The following SAMD4B variants were observed in gnomAD, a reference collection of about 807,000 sequenced individuals.
SAMD4B encodes the protein sterile alpha motif domain containing 4B.
SAMD4B carries 5 observed loss-of-function variants against 74.5 expected under a neutral mutation model. The observed-to-expected ratio is 0.07, with a 90% CI of 0.04 to 0.14. The LOEUF (loss-of-function observed/expected upper bound fraction) is 0.14. SAMD4B is among the 10% of genes least tolerant of loss of function. The pLI is 1.00. For synonymous variants in SAMD4B, 373 were observed against 374.9 expected (o/e 1.00, Z 0.06); for missense variants, 608 against 921.8 (o/e 0.66, Z 4.41).
At position 39,383,601 on chromosome 19, in the gene SAMD4B, G is replaced by A. The variant is rs1020187996; in HGVS notation, c.*74G>A. On this transcript the variant is annotated 3_prime_UTR_variant, in exon 14 of 14. Transcript: ENST00000610417. The surrounding 1 kb of genome is among the most constrained non-coding windows in gnomAD (Gnocchi z 4.1). ...GGGCCAACCCCCAACGGGCTTCTCC[G>A]CGACAGCGAGAGGGTGGGCTGGCTC... 5.6e-6 allele frequency: 9 copies of A among 1,613,754 alleles called. No homozygotes were observed. Among genetic ancestry groups the A allele is most frequent in the East Asian group, 2.2e-5 (1 of 44,886 alleles).
rs1285651719 is a variant in SAMD4B at position 39,385,399 on chromosome 19, TCACA to T, written c.*1879_*1882del. 7.3e-6 allele frequency: 3 copies of T among 410,430 alleles called. No individual in the cohort carries two copies. Among genetic ancestry groups the T allele is most frequent in the South Asian group, 1.1e-4 (1 of 9,382 alleles). The allele number at this position is 410,430 out of a possible 1,614,324, so 25.4% of individuals were successfully genotyped here. On this transcript the variant is annotated 3_prime_UTR_variant, in exon 14 of 14. Coordinates refer to ENST00000610417, the MANE Select transcript of SAMD4B (RefSeq NM_001384574.2). Reference sequence around the variant, plus strand: ...CTGGGAGGTGGTGAGGGACACCGTCTCACACACACAGGGAGGCAAGAGCTGCCCC... The same window carrying T: ...CTGGGAGGTGGTGAGGGACACCGTCTCACACAGGGAGGCAAGAGCTGCCCC...
intron 3 of SAMD4B, among the ~76,000 whole-genome samples, chr19:39,364,314 G>A (rs547706574): frequency 3.9e-5 from 6 of 152,314 alleles, no homozygotes; most frequent in African/African-American, 1.2e-4. Flanking sequence ...AAACAACAGC[G>A]ATTGAGAATG....
intron 1 of SAMD4B, among the ~76,000 whole-genome samples, chr19:39,352,679 A>G (rs1364041860): frequency 2.0e-5 from 3 of 149,696 alleles, no homozygotes; most frequent in Non-Finnish European, 4.4e-5. Flanking sequence ...AGACCCTATT[A>G]TGTCCGAAAG....
At chr19:39,347,592 C>G (rs62119679) in intron 1 of SAMD4B, among the ~76,000 whole-genome samples, 1,836 of 152,260 alleles carry the variant, frequency 0.012, 11 homozygotes, top group Non-Finnish European at 0.019. Flanking sequence ...ATGAGGTGAT[C>G]AGCCTGGCTT....
chr19:39,383,950 C>A lies in SAMD4B; in HGVS notation c.*423C>A. ...GAAACATTTGACATTTGGGGTGACG[C>A]GCAGGGCAGAGAACCTGCCCTCCAG... On this transcript the variant is annotated 3_prime_UTR_variant, in exon 14 of 14. Coordinates refer to ENST00000610417, the MANE Select transcript of SAMD4B (RefSeq NM_001384574.2). This position sits in a 1 kb window ranked among gnomAD's most constrained non-coding sequence, Gnocchi z 4.1. 1 of 542,496 alleles carries A rather than the reference C, an allele frequency of 1.8e-6. No homozygotes were observed. Among genetic ancestry groups the A allele is most frequent in the Non-Finnish European group, 3.3e-6 (1 of 304,992 alleles). The allele number at this position is 542,496 out of a possible 1,614,324, so 33.6% of individuals were successfully genotyped here.
Position 39,378,249 on chromosome 19 carries a change from A to G in SAMD4B, c.1445-255A>G, listed in dbSNP as rs1338424627. Among the ~76,000 whole-genome samples, 2 of 152,170 alleles carry G rather than the reference A, an allele frequency of 1.3e-5. No individual in the cohort carries two copies. The highest frequency in any genetic ancestry group is 2.9e-5 in the Non-Finnish European group (2 of 68,014). On this transcript the variant is annotated intron_variant, in intron 8 of 13. Transcript: ENST00000610417. The surrounding 1 kb of genome is among the most constrained non-coding windows in gnomAD (Gnocchi z 4.4). Reference sequence around the variant, plus strand: ...TGGATCCAGATCAGTCTAGATCTGGATCTGGACCTGAGGCAAGTGACTCAA... The same window carrying G: ...TGGATCCAGATCAGTCTAGATCTGGGTCTGGACCTGAGGCAAGTGACTCAA...
Position 39,344,474 on chromosome 19 carries a change from T to C in SAMD4B, c.-267+1898T>C, listed in dbSNP as rs375126193. On this transcript the variant is annotated intron_variant, in intron 1 of 13. Transcript: ENST00000610417. ...TAGAGAATTTTCTCCCAAATTGCCC[T>C]CCATCAGCCACCCACTCCCAGCGCT... 3.3e-5 allele frequency among the ~76,000 whole-genome samples: 5 copies of C among 152,230 alleles called. No individual in the cohort carries two copies. The South Asian group carries it at 1.0e-3, about 32-fold the overall frequency.
chr19:39,353,567 A>G (rs1435684640), intron 1 of SAMD4B, among the ~76,000 whole-genome samples: 1 of 152,074 alleles, frequency 6.6e-6, no homozygotes, highest in East Asian at 1.9e-4. Context: ...CCAAGTAGTT[A>G]CAGATCAAAC....
In SAMD4B at chr19:39,378,489, C is replaced by G. The variant is rs760057983; in HGVS notation, c.1445-15C>G. 20 of 1,613,164 alleles carry G rather than the reference C, an allele frequency of 1.2e-5. No homozygotes were observed. The highest frequency in any genetic ancestry group is 1.7e-5 in the Non-Finnish European group (20 of 1,179,414). Reference sequence around the variant, plus strand: ...ACTAGGGGTTAACCTCCTGCCCTTTCTCATGTCCCCCCAGTGTGCACCCAA... The same window carrying G: ...ACTAGGGGTTAACCTCCTGCCCTTTGTCATGTCCCCCCAGTGTGCACCCAA... On this transcript the variant is annotated splice_polypyrimidine_tract_variant and intron_variant, in intron 8 of 13. Transcript: ENST00000610417. This position sits in a 1 kb window ranked among gnomAD's most constrained non-coding sequence, Gnocchi z 4.4.
In SAMD4B at chr19:39,380,117, C is replaced by A. The variant is rs745788483; in HGVS notation, c.1649+33C>A. ...GGTGGCCAGGTTACAGGGACCTGCCCTCCATAGGCCTTTGCTGGTTAGCAG... is the reference window on the plus strand; with the variant it reads ...GGTGGCCAGGTTACAGGGACCTGCCATCCATAGGCCTTTGCTGGTTAGCAG... On this transcript the variant is annotated intron_variant, in intron 10 of 13. Coordinates refer to ENST00000610417, the MANE Select transcript of SAMD4B (RefSeq NM_001384574.2). 4.0e-6 allele frequency: 6 copies of A among 1,509,820 alleles called. No individual in the cohort carries two copies. In the East Asian group the frequency reaches 9.1e-5, roughly 23 times the overall value. 93.5% of individuals were successfully genotyped at this position (1,509,820 alleles called of 1,614,324 possible). A position where few individuals can be genotyped will look rare whatever the true frequency, so the allele number is the denominator to read the frequency against.
At chr19:39,347,012 A>G (rs2075742204) in intron 1 of SAMD4B, among the ~76,000 whole-genome samples, 1 of 152,242 alleles carries the variant, frequency 6.6e-6, no homozygotes, top group Admixed American at 6.5e-5. Flanking sequence ...ATCAGCCAGA[A>G]CTCTAAAAAC....
chr19:39,385,907 T>C (rs775270853), downstream of SAMD4B: 56 of 1,561,354 alleles, frequency 3.6e-5, no homozygotes, highest in African/African-American at 6.2e-4. Flanking sequence ...AACAAACAAG[T>C]GAAAGGCTCA....
chr19:39,345,889 G>A (rs1177281890), intron 1 of SAMD4B, among the ~76,000 whole-genome samples: 1 of 151,622 alleles, frequency 6.6e-6, no homozygotes, highest in African/African-American at 2.4e-5. Flanking sequence ...TCTCCACACA[G>A]CACCCTTTGC....
chr19:39,364,027 T>C (rs1478406747), intron 3 of SAMD4B, among the ~76,000 whole-genome samples: 1 of 152,200 alleles, frequency 6.6e-6, no homozygotes, highest in Non-Finnish European at 1.5e-5. Context: ...TTCTCAGTCA[T>C]GGGAGGCCCG....
chr19:39,383,064 C>A lies in SAMD4B; in HGVS notation c.1973-144C>A. On this transcript the variant is annotated intron_variant, in intron 12 of 13. Transcript: ENST00000610417. This position sits in a 1 kb window ranked among gnomAD's most constrained non-coding sequence, Gnocchi z 4.1. ...CCTGTTGTGTGACACGCTCGCCTCT[C>A]TCCCTGTCCACCTCCTCCCGTTCTT... 1 of 713,388 alleles carries A rather than the reference C, an allele frequency of 1.4e-6. No homozygotes were observed. Among genetic ancestry groups the A allele is most frequent in the Non-Finnish European group, 2.6e-6 (1 of 388,862 alleles). The allele number at this position is 713,388 out of a possible 1,614,324, so 44.2% of individuals were successfully genotyped here.
chr19:39,353,821 C>CA (rs2145347849), intron 1 of SAMD4B, among the ~76,000 whole-genome samples, 185 bp from the exon 2 acceptor site: 1 of 152,300 alleles, frequency 6.6e-6, no homozygotes, highest in East Asian at 1.9e-4. Context: ...AGGCTGGTCT[C>CA]AAACTCCTGA....
At chr19:39,363,979 C>T (rs1304594745) in intron 3 of SAMD4B, among the ~76,000 whole-genome samples, 1 of 152,252 alleles carries the variant, frequency 6.6e-6, no homozygotes, top group African/African-American at 2.4e-5. Flanking sequence ...CCTGAGGCTG[C>T]ACAAATTACT....
At chr19:39,371,714 G>A (rs2077309780) in intron 4 of SAMD4B, among the ~76,000 whole-genome samples, 5 of 151,916 alleles carry the variant, frequency 3.3e-5, no homozygotes, top group Non-Finnish European at 5.9e-5. Context: ...TTACTCGGGG[G>A]GCTGAGGCAG....
chr19:39,343,311 A>G (rs967110033), intron 1 of SAMD4B, among the ~76,000 whole-genome samples: 1 of 126,862 alleles, frequency 7.9e-6, no homozygotes, highest in African/African-American at 3.1e-5. Flanking sequence ...TACCCCCTGC[A>G]TTTCTGATTC....
Sources: gnomAD v4.1 joint callset for allele counts (sites outside exome capture counted in the v4.1 genomes callset) on GRCh38, gnomAD v4.1.1 for gene constraint, Gnocchi (gnomAD v3.1) non-coding constraint, MANE v1.5 for transcripts, NCBI Gene and HGNC (gene_info 2026-07-23, HGNC 2026-07-21) for gene names.